The following DLG2 variants were observed in gnomAD, a reference collection of about 807,000 sequenced individuals.
The protein encoded by DLG2 is disks large homolog 2.
In DLG2, 45 loss-of-function variants were observed where a neutral mutation model predicts 132.5. The observed-to-expected ratio is 0.34, with a 90% CI of 0.27 to 0.44. DLG2 has a LOEUF of 0.44. Among genes scored for constraint, DLG2 ranks in the 20% least tolerant of loss-of-function variants. The pLI, the probability that DLG2 is intolerant of heterozygous loss-of-function variation, is 1.00. For synonymous variants in DLG2, 424 were observed against 419.6 expected (o/e 1.01, Z -0.13); for missense variants, 1,045 against 1,196.9 (o/e 0.87, Z 1.87).
rs551753835 is a variant in DLG2, at chr11:84,836,366, C to T, written c.357+275295G>A. 2.0e-3 allele frequency among the ~76,000 whole-genome samples: 311 copies of T among 151,776 alleles called. 2 individuals are homozygous for T. Among genetic ancestry groups the T allele is most frequent in the Non-Finnish European group, 3.3e-3 (226 of 67,790 alleles). ...ACCCGTCACTTACTTCATTTAAATT[C>T]CACCACAATGATCTTAGACAAGGAA... On this transcript the variant is annotated intron_variant, in intron 6 of 27. Transcript: ENST00000376104.
chr11:83,718,560 A>T (rs903508182), intron 18 of DLG2, among the ~76,000 whole-genome samples: 1 of 151,254 alleles, frequency 6.6e-6, no homozygotes, highest in Non-Finnish European at 1.5e-5. Context: ...AAGAAAGAAA[A>T]AAAGAAATAT....
chr11:83,826,837 T>C (rs1352091016), intron 17 of DLG2, among the ~76,000 whole-genome samples: 1 of 152,128 alleles, frequency 6.6e-6, no homozygotes, highest in Non-Finnish European at 1.5e-5. Flanking sequence ...GTGGCTTAGG[T>C]GAAAGGTTTC....
At chr11:84,269,898 A>C (rs2097697266) in intron 7 of DLG2, among the ~76,000 whole-genome samples, 2 of 152,324 alleles carry the variant, frequency 1.3e-5, no homozygotes, top group Non-Finnish European at 2.9e-5. Flanking sequence ...TGGTAATACT[A>C]TCTCTCTTAC....
chr11:84,116,277 A>G (rs975318559), intron 9 of DLG2, among the ~76,000 whole-genome samples: 1 of 152,226 alleles, frequency 6.6e-6, no homozygotes, highest in African/African-American at 2.4e-5. Flanking sequence ...AAAGCATTCG[A>G]TACTGTTTAG....
rs553825444 is a variant in DLG2 at position 84,532,277 on chromosome 11, CA to C, written c.519+2292del. On this transcript the variant is annotated intron_variant, in intron 7 of 27. Coordinates refer to ENST00000376104, the MANE Select transcript of DLG2 (RefSeq NM_001142699.3). Reference sequence around the variant, plus strand: ...TTCAGGCATGATCCTACTCATAAGACAAAAGATGCACTTATTTCAAATATTT... The same window carrying C: ...TTCAGGCATGATCCTACTCATAAGACAAAGATGCACTTATTTCAAATATTT... Among the ~76,000 whole-genome samples the C allele has an allele frequency of 2.2e-4, 33 of 152,042 alleles. No homozygotes were observed. In the South Asian group the frequency reaches 6.0e-3, roughly 28 times the overall value.
chr11:84,134,811 C>T (rs1466269263), intron 9 of DLG2, among the ~76,000 whole-genome samples: 2 of 151,746 alleles, frequency 1.3e-5, no homozygotes, highest in African/African-American at 4.8e-5. Flanking sequence ...GATACTTCTA[C>T]AACGGAAACA....
intron 3 of DLG2, among the ~76,000 whole-genome samples, chr11:85,457,595 T>A (rs568049540): frequency 6.6e-6 from 1 of 152,224 alleles, no homozygotes; most frequent in African/African-American, 2.4e-5. Context: ...TTTTCCATAT[T>A]TAGCACTCCT....
In DLG2 at chr11:83,469,275, A is replaced by G; in HGVS notation, c.2545T>C (p.Phe849Leu). ...TCATTGTACTGGCCGGCTTCTATAA[A>G]CTTGTGCTCTTGGATATCTTTCTCC... is the stretch of plus-strand genomic sequence containing the variant. The part of the protein sequence containing the change: ...QMEKDIQEHK[F>L]IEAGQYNDNL... The change falls in exon 25 of 28, where the codon TTT becomes CTT. Residue 849 changes from phenylalanine to leucine, a missense_variant. Coordinates refer to ENST00000376104, the MANE Select transcript of DLG2 (RefSeq NM_001142699.3). 1 of 1,613,824 alleles carries G rather than the reference A, an allele frequency of 6.2e-7. No individual in the cohort carries two copies. The highest frequency in any genetic ancestry group is 8.5e-7 in the Non-Finnish European group (1 of 1,179,832).
chr11:83,681,008 C>T (rs550519408), intron 18 of DLG2, among the ~76,000 whole-genome samples: 3 of 152,106 alleles, frequency 2.0e-5, no homozygotes, highest in Non-Finnish European at 4.4e-5. Flanking sequence ...TACAGGTAAA[C>T]ACTTTGGACA....
chr11:84,806,218 G>T (rs527477432), intron 6 of DLG2, among the ~76,000 whole-genome samples: 3 of 152,172 alleles, frequency 2.0e-5, no homozygotes, highest in South Asian at 2.1e-4. Context: ...TGTCATCAGG[G>T]TTCCAGAATG....
intron 7 of DLG2, among the ~76,000 whole-genome samples, chr11:84,482,846 G>A (rs571865755): frequency 6.6e-6 from 1 of 152,272 alleles, no homozygotes; most frequent in African/African-American, 2.4e-5. Flanking sequence ...AATAAATGAA[G>A]ATGAATGGAA....
chr11:85,312,312 A>G (rs1268867091), intron 3 of DLG2, among the ~76,000 whole-genome samples: 2 of 151,620 alleles, frequency 1.3e-5, no homozygotes, highest in African/African-American at 2.4e-5. Context: ...AAACCTATAT[A>G]AGGAATTCTA....
intron 7 of DLG2, among the ~76,000 whole-genome samples, chr11:84,286,089 T>C (rs1302305702): frequency 1.3e-5 from 2 of 152,168 alleles, no homozygotes; most frequent in Admixed American, 1.3e-4. Flanking sequence ...TCAATTCCTC[T>C]TACCAGCATG....
At chr11:84,353,320 G>A (rs1559853) in intron 7 of DLG2, among the ~76,000 whole-genome samples, 56,705 of 151,884 alleles carry the variant, frequency 0.37, 16,403 homozygotes, top group African/African-American at 0.81. Context: ...AACTGAACTC[G>A]CCTTCTTCCA....
At chr11:84,466,986 T>A (rs1158742702) in intron 7 of DLG2, among the ~76,000 whole-genome samples, 1 of 151,392 alleles carries the variant, frequency 6.6e-6, no homozygotes, top group African/African-American at 2.4e-5. Context: ...TATCTACTTA[T>A]GACTTTTAAA....
intron 3 of DLG2, among the ~76,000 whole-genome samples, chr11:85,460,883 T>C (rs767365979): frequency 1.3e-5 from 2 of 152,220 alleles, no homozygotes; most frequent in Non-Finnish European, 2.9e-5. Flanking sequence ...GATGATGCTG[T>C]TGGTTAGGTT....
At chr11:84,355,522 C>G (rs973595920) in intron 7 of DLG2, among the ~76,000 whole-genome samples, 1 of 152,058 alleles carries the variant, frequency 6.6e-6, no homozygotes, top group South Asian at 2.1e-4. Context: ...GACGCCAAAT[C>G]AGCTGGTAGC....
chr11:84,551,409 C>A (rs1465272622), intron 6 of DLG2, among the ~76,000 whole-genome samples: 1 of 152,082 alleles, frequency 6.6e-6, no homozygotes, highest in African/African-American at 2.4e-5. Context: ...TCAAGAAAAC[C>A]CAGAAAGTTT....
chr11:85,455,749 T>C (rs755263131), intron 3 of DLG2, among the ~76,000 whole-genome samples: 5 of 152,176 alleles, frequency 3.3e-5, no homozygotes, highest in Non-Finnish European at 7.4e-5. Context: ...TTAAATTTTA[T>C]TGAAAGCTTT....
Sources: gnomAD v4.1 joint callset for allele counts (sites outside exome capture counted in the v4.1 genomes callset) on GRCh38, gnomAD v4.1.1 for gene constraint, MANE v1.5 for transcripts, NCBI Gene and HGNC (gene_info 2026-07-23, HGNC 2026-07-21) for gene names.